The following PCDHA1 variants were observed in gnomAD, a reference collection of about 807,000 sequenced individuals.
The protein encoded by PCDHA1 is protocadherin alpha-1.
Under a neutral mutation model 61.3 loss-of-function variants are expected in PCDHA1, and 42 were observed. The observed-to-expected ratio is 0.69, with a 90% CI of 0.54 to 0.89. PCDHA1 has a LOEUF of 0.89. PCDHA1 is among the 40% of genes least tolerant of loss of function. The pLI is 0.00. For synonymous variants in PCDHA1, 610 were observed against 553.8 expected (o/e 1.10, Z -1.43); for missense variants, 1,256 against 1,235.3 (o/e 1.02, Z -0.25).
Position 140,788,218 on chromosome 5 carries a change from C to G in PCDHA1, c.1928C>G (p.Ser643Trp). ...CGTGTCCTGGACGAGGCTGACTTGT[C>G]GCGCTACCGCCTTCTGGTGCTAGTG... ...TTRVLDEADL[S>W]RYRLLVLVKD... The change falls in exon 1 of 4, where the codon TCG (serine) becomes TGG (tryptophan). Residue 643 changes from serine (S) to tryptophan (W), a missense_variant. Coordinates refer to ENST00000504120, the MANE Select transcript of PCDHA1 (RefSeq NM_018900.4). The G allele has an allele frequency of 3.1e-6, 5 of 1,614,032 alleles. No individual in the cohort carries two copies. The highest frequency in any genetic ancestry group is 4.2e-6 in the Non-Finnish European group (5 of 1,179,938).
chr5:140,834,228 G>A (rs1772850652), intron 1 of PCDHA1: 1 of 716,682 alleles, frequency 1.4e-6, no homozygotes. Flanking sequence ...GCAAAAGGAA[G>A]TCATTCCTTT....
rs2150435239 is a variant in PCDHA1, at chr5:140,849,330, T to C, written c.2394+60646T>C. On this transcript the variant is annotated intron_variant, in intron 1 of 3. Transcript: ENST00000504120. Reference sequence around the variant, plus strand: ...CGAAGGCTTGAATGGGGATATTATTTACTCCTTCTCCAGTGATGTTTCTCC... The same window carrying C: ...CGAAGGCTTGAATGGGGATATTATTCACTCCTTCTCCAGTGATGTTTCTCC... 7 of 1,375,184 alleles carry C rather than the reference T, an allele frequency of 5.1e-6. No individual in the cohort carries two copies. In the South Asian group the frequency reaches 8.9e-5, roughly 17 times the overall value. 85.2% of individuals were successfully genotyped at this position (1,375,184 alleles called of 1,614,324 possible).
At chr5:140,836,206 C>A (rs1554135734) in intron 1 of PCDHA1, 3 of 1,613,832 alleles carry the variant, frequency 1.9e-6, no homozygotes, top group Middle Eastern at 1.6e-4. Context: ...GCGTGGCTTT[C>A]GTATGAGTTG....
intron 1 of PCDHA1, among the ~76,000 whole-genome samples, chr5:140,931,204 A>G (rs782790968): frequency 7.2e-5 from 11 of 152,176 alleles, no homozygotes; most frequent in Non-Finnish European, 1.5e-4. Context: ...CAATGCTAGT[A>G]TTTCAGGTAT....
intron 2 of PCDHA1, 38 bp from the exon 3 acceptor site, chr5:140,982,437 A>G: frequency 6.2e-7 from 1 of 1,613,390 alleles, no homozygotes; most frequent in East Asian, 2.2e-5. Flanking sequence ...GAAAGAATTT[A>G]TGATCTAACC....
At chr5:140,918,667 G>A (rs2078804677) in intron 1 of PCDHA1, among the ~76,000 whole-genome samples, 1 of 152,172 alleles carries the variant, frequency 6.6e-6, no homozygotes, top group African/African-American at 2.4e-5. Flanking sequence ...TTGATGGTAT[G>A]AAGAGGTGAG....
In PCDHA1 at chr5:140,846,504, A is replaced by G. The variant is rs910263180; in HGVS notation, c.2394+57820A>G. ...ATTCTCCTTCCTCAGCCTCCCAAGT[A>G]GCTGGGATTACAGGTGCATGCCACC... is the stretch of plus-strand genomic sequence containing the variant. On this transcript the variant is annotated intron_variant, in intron 1 of 3. Coordinates refer to ENST00000504120, the MANE Select transcript of PCDHA1 (RefSeq NM_018900.4). Among the ~76,000 whole-genome samples the G allele has an allele frequency of 1.4e-5, 2 of 146,302 alleles. 1 individual carries two copies. Among genetic ancestry groups the G allele is most frequent in the Non-Finnish European group, 3.0e-5 (2 of 66,038 alleles).
At chr5:140,874,354 T>C (rs1554167160) in intron 1 of PCDHA1, among the ~76,000 whole-genome samples, 5 of 152,214 alleles carry the variant, frequency 3.3e-5, no homozygotes, top group Non-Finnish European at 7.3e-5. Context: ...TGATCTTGAA[T>C]TAATGAATAA....
chr5:140,929,665 AGAAT>A (rs2086286980), intron 1 of PCDHA1: 2 of 332,822 alleles, frequency 6.0e-6, no homozygotes, highest in East Asian at 1.0e-4. Flanking sequence ...TTTAAAGTGA[AGAAT>A]GAAAAATATG....
At chr5:140,924,911 TAAAATA>T (rs1563069196) in intron 1 of PCDHA1, among the ~76,000 whole-genome samples, 7 of 59,704 alleles carry the variant, frequency 1.2e-4, no homozygotes, top group Non-Finnish European at 2.5e-4. Flanking sequence ...AAAAATAAAA[TAAAATA>T]AAATAAAATA....
intron 1 of PCDHA1, chr5:140,884,480 A>G (rs782532542): frequency 6.2e-7 from 1 of 1,613,780 alleles, no homozygotes; most frequent in South Asian, 1.1e-5. Context: ...GGGCAAGCCC[A>G]CTCTAGTGTG....
At position 140,969,313 on chromosome 5, in the gene PCDHA1, G is replaced by A. The variant is rs2096317901; in HGVS notation, c.2395-9636G>A. 3.7e-6 allele frequency: 6 copies of A among 1,614,160 alleles called. No homozygotes were observed. In the East Asian group the frequency reaches 8.9e-5, roughly 24 times the overall value. ...GGAACCTGATTATTCTCAAAAATGAGGCTGTTTCTCAAAATGAGGTGAGAC... is the reference window on the plus strand; with the variant it reads ...GGAACCTGATTATTCTCAAAAATGAAGCTGTTTCTCAAAATGAGGTGAGAC... On this transcript the variant is annotated intron_variant, in intron 1 of 3. Coordinates refer to ENST00000504120, the MANE Select transcript of PCDHA1 (RefSeq NM_018900.4).
chr5:140,926,943 T>C (rs2083677139), intron 1 of PCDHA1: 1 of 1,587,096 alleles, frequency 6.3e-7, no homozygotes, highest in Non-Finnish European at 8.6e-7. Context: ...CCTGCGGCGC[T>C]GCAGCGGGAC....
At chr5:140,868,767 C>A in intron 1 of PCDHA1, 1 of 249,464 alleles carries the variant, frequency 4.0e-6, no homozygotes, top group East Asian at 8.4e-5. Context: ...TATTTAGTTT[C>A]AATATGACTT....
intron 1 of PCDHA1, among the ~76,000 whole-genome samples, chr5:140,974,165 G>T (rs1298109600): frequency 6.6e-6 from 1 of 152,164 alleles, no homozygotes; most frequent in Non-Finnish European, 1.5e-5. Flanking sequence ...TTTCTTTCAA[G>T]AATTTTAACT....
chr5:140,856,851 C>T (rs140022509), intron 1 of PCDHA1: 4 of 1,593,160 alleles, frequency 2.5e-6, no homozygotes, highest in Admixed American at 1.7e-5. Context: ...GCTTCTGATT[C>T]GGATGAAGGA....
intron 1 of PCDHA1, among the ~76,000 whole-genome samples, chr5:140,913,960 TA>T (rs201352444): frequency 2.0e-5 from 3 of 152,168 alleles, no homozygotes; most frequent in Non-Finnish European, 2.9e-5. Context: ...ATATCATTTT[TA>T]AAAAAATATT....
chr5:140,873,262 G>T (rs1196053156), intron 1 of PCDHA1, among the ~76,000 whole-genome samples: 1 of 152,136 alleles, frequency 6.6e-6, no homozygotes, highest in Non-Finnish European at 1.5e-5. Context: ...ACTCAAAAGT[G>T]ATTAAACCAT....
Position 140,808,079 on chromosome 5 carries a change from A to G in PCDHA1, c.2394+19395A>G, listed in dbSNP as rs59233330. 4.8e-3 allele frequency: 7,775 copies of G among 1,614,028 alleles called. 313 individuals carry two copies. In the African/African-American group the frequency reaches 0.088, roughly 18 times the overall value. ...GAAATCCAAGTTTCACATAGATCCA[A>G]TTACTGGACAAATTATTGTAAAGGG... is the stretch of plus-strand genomic sequence containing the variant. On this transcript the variant is annotated intron_variant, in intron 1 of 3. Transcript: ENST00000504120.
Sources: allele counts gnomAD v4.1 joint callset (sites outside exome capture counted in the v4.1 genomes callset), GRCh38; gene constraint gnomAD v4.1.1; transcripts MANE v1.5; gene names NCBI Gene and HGNC (gene_info 2026-07-23, HGNC 2026-07-21).